SNX19: variants seen among roughly 807,000 people sequenced by gnomAD.
The protein encoded by SNX19 is sorting nexin-19.
Under a neutral mutation model 85.2 loss-of-function variants are expected in SNX19, and 60 were observed. That is an observed-to-expected ratio of 0.70 (90% CI 0.57 to 0.87). The LOEUF (loss-of-function observed/expected upper bound fraction) is 0.87, where lower values mean the gene tolerates loss of function less well. SNX19 is among the 40% of genes least tolerant of loss of function. SNX19 has a pLI of 0.00. For synonymous variants in SNX19, 520 were observed against 470.0 expected, an observed-to-expected ratio of 1.11 and a Z score of -1.38; for missense variants, 1,201 against 1,217.8, an observed-to-expected ratio of 0.99 and a Z score of 0.21.
intron 4 of SNX19, 98 bp from the exon 5 acceptor site, chr11:130,908,181 G>T: frequency 1.4e-6 from 2 of 1,411,676 alleles, no homozygotes; most frequent in Admixed American, 2.3e-5. Context: ...AACAGGACAA[G>T]GAGAGGGGCC....
At chr11:130,890,890 C>CT (rs10678203) in intron 8 of SNX19, among the ~76,000 whole-genome samples, 12,245 of 142,942 alleles carry the variant, frequency 0.086, 734 homozygotes, top group African/African-American at 0.12. Context: ...GGATTTGGGT[C>CT]TTTTTTTTTT....
chr11:130,914,541 C>T lies in SNX19; in HGVS notation c.1399G>A (p.Ala467Thr), dbSNP rs1267127180. 1 of 1,613,890 alleles carries T rather than the reference C, an allele frequency of 6.2e-7. No homozygotes were observed. Among genetic ancestry groups the T allele is most frequent in the East Asian group, 2.2e-5 (1 of 44,892 alleles). Residue 467 changes from alanine (A) to threonine (T), a missense_variant, in exon 1 of 11, where the codon GCT becomes ACT. Transcript: ENST00000265909. ...EQGDVTASVTALLEGPEKTCP... is the reference protein window; with the variant it reads ...EQGDVTASVTTLLEGPEKTCP... ...GTCTTTTCTGGCCCCTCCAGCAAAGCTGTAACAGAGGCGGTAACATCTCCT... is the reference window on the plus strand; with the variant it reads ...GTCTTTTCTGGCCCCTCCAGCAAAGTTGTAACAGAGGCGGTAACATCTCCT...
At chr11:130,880,855 A>G in intron 8 of SNX19, 49 bp from the exon 9 acceptor site, 3 of 1,460,422 alleles carry the variant, frequency 2.1e-6, no homozygotes, top group East Asian at 2.3e-5. Flanking sequence ...AGGAAAGGAA[A>G]TAACAAGGCA....
rs1351364682 is a variant in SNX19, at chr11:130,911,838, T to G, written c.1675-67A>C. ...CAGCAATCTTCTATTCTGGCTTTAC[T>G]GACTACTTGGTCAATGGCCACATAG... On this transcript the variant is annotated intron_variant, in intron 1 of 10. Coordinates refer to ENST00000265909, the MANE Select transcript of SNX19 (RefSeq NM_014758.3). 2.0e-6 allele frequency: 3 copies of G among 1,530,354 alleles called. No homozygotes were observed. The African/African-American group carries it at 4.1e-5, about 21-fold the overall frequency. 94.8% of individuals were successfully genotyped at this position (1,530,354 alleles called of 1,614,324 possible).
At position 130,867,848 on chromosome 11, in the gene SNX19, TGAAGA is replaced by T. The variant is rs1307343614; in HGVS notation, c.*10569_*10573del. Reference sequence around the variant, plus strand: ...TGGAAGAAACTGAGGTCCAGGGAAGTGAAGAGATCGGTCCAAGATCACTGGAACCC... The same window carrying T: ...TGGAAGAAACTGAGGTCCAGGGAAGTGATCGGTCCAAGATCACTGGAACCC... On this transcript the variant is annotated 3_prime_UTR_variant, in exon 11 of 11. Transcript: ENST00000265909. 1.3e-5 allele frequency: 2 copies of T among 152,100 alleles called. No homozygotes were observed. The highest frequency in any genetic ancestry group is 4.8e-5 in the African/African-American group (2 of 41,402). The allele number at this position is 152,100 out of a possible 1,614,324, so 9.4% of individuals were successfully genotyped here.
chr11:130,915,375 A>C lies in SNX19; in HGVS notation c.565T>G (p.Trp189Gly), dbSNP rs369961489. ...GCAGTCGCCCGGCAGTAAGCCTCCC[A>C]GAGGTGGGAAGGCTCAACTGGACCA... ...KNGPVEPSHL[W>G]EAYCRATAPH... The change falls in exon 1 of 11, where the codon TGG becomes GGG. Residue 189 changes from tryptophan (W) to glycine (G), a missense_variant. Around this residue, in one of 3 missense-constraint regions of SNX19, gnomAD observed 791 missense variants for 750.9 expected, o/e 1.05. Transcript: ENST00000265909. 5.0e-6 allele frequency: 8 copies of C among 1,614,112 alleles called. No individual in the cohort carries two copies. The highest frequency in any genetic ancestry group is 6.8e-6 in the Non-Finnish European group (8 of 1,180,038).
rs1457413218 is a variant in SNX19 at position 130,873,004 on chromosome 11, C to G, written c.*5418G>C. On this transcript the variant is annotated 3_prime_UTR_variant, in exon 11 of 11. Coordinates refer to ENST00000265909, the MANE Select transcript of SNX19 (RefSeq NM_014758.3). ...CTCCAAATGCTCCCTGCCCCTCAAA[C>G]AGCAGAGGAGTGTGATAATCATGCT... Among the ~76,000 whole-genome samples the G allele has an allele frequency of 6.6e-6, 1 of 152,190 alleles. No homozygotes were observed. Among genetic ancestry groups the G allele is most frequent in the Non-Finnish European group, 1.5e-5 (1 of 68,044 alleles).
intron 8 of SNX19, among the ~76,000 whole-genome samples, chr11:130,892,163 C>A (rs1429711906): frequency 6.7e-6 from 1 of 149,928 alleles, no homozygotes; most frequent in Non-Finnish European, 1.5e-5. Context: ...GTTTTCTATG[C>A]ACAAATCTAG....
rs1366054091 is a variant in SNX19 at position 130,870,878 on chromosome 11, G to A, written c.*7544C>T. Among the ~76,000 whole-genome samples, 1 of 151,992 alleles carries A rather than the reference G, an allele frequency of 6.6e-6. No individual in the cohort carries two copies. Among genetic ancestry groups the A allele is most frequent in the Non-Finnish European group, 1.5e-5 (1 of 68,018 alleles). On this transcript the variant is annotated 3_prime_UTR_variant, in exon 11 of 11. Transcript: ENST00000265909. ...ACTAAAAAAGATAAAAGATATGTTC[G>A]TTGCCCTTGAAGAATTATAGTCTCT...
At position 130,914,770 on chromosome 11, in the gene SNX19, T is replaced by C. The variant is rs1206016968; in HGVS notation, c.1170A>G (p.Pro390=). The C allele has an allele frequency of 6.2e-7, 1 of 1,614,094 alleles. No homozygotes were observed. The highest frequency in any genetic ancestry group is 2.2e-5 in the East Asian group (1 of 44,886). Residue 390 remains proline (P), a synonymous_variant, in exon 1 of 11, where the codon CCA becomes CCG. Coordinates refer to ENST00000265909, the MANE Select transcript of SNX19 (RefSeq NM_014758.3). The part of the protein sequence containing the change: ...LGKETIMLMT[P]GSFLSDRIQD... Reference sequence around the variant, plus strand: ...GAATCCTGTCAGAGAGAAAGCTGCCTGGAGTCATGAGCATGATGGTTTCTT... The same window carrying C: ...GAATCCTGTCAGAGAGAAAGCTGCCCGGAGTCATGAGCATGATGGTTTCTT...
chr11:130,906,086 T>A lies in SNX19; in HGVS notation c.2310A>T (p.Lys770Asn), dbSNP rs1165917228. 1 of 1,614,110 alleles carries A rather than the reference T, an allele frequency of 6.2e-7. No homozygotes were observed. The highest frequency in any genetic ancestry group is 1.3e-5 in the African/African-American group (1 of 74,994). The change falls in exon 7 of 11, where the codon AAA becomes AAT. Residue 770 changes from lysine (K) to asparagine (N), a missense_variant. By Grantham distance (94) the Lys-to-Asn change is moderately conservative. This residue lies in a region of SNX19 where 285 missense variants were observed against 295.3 expected (regional missense o/e 0.97). Coordinates refer to ENST00000265909, the MANE Select transcript of SNX19 (RefSeq NM_014758.3). Reference protein sequence around the residue: ...SMSAMESFIEKQTKLLEMQPT... With the variant: ...SMSAMESFIENQTKLLEMQPT... The stretch of plus-strand genomic sequence containing the variant: ...GCTGCATTTCCAGTAACTTTGTCTG[T>A]TTTTCAATAAAAGATTCCATCGCAG...
Position 130,877,899 on chromosome 11 carries a change from G to T in SNX19, c.*523C>A, listed in dbSNP as rs1943358581. On this transcript the variant is annotated 3_prime_UTR_variant, in exon 11 of 11. Transcript: ENST00000265909. ...CTCCTTCTTCTTCTGGAACTGTTGG[G>T]AAACTAGATTAGACCCAGGAGTCTG... is the stretch of plus-strand genomic sequence containing the variant. The T allele has an allele frequency of 6.6e-6, 1 of 152,278 alleles. No individual in the cohort carries two copies. The highest frequency in any genetic ancestry group is 1.5e-5 in the Non-Finnish European group (1 of 68,056). The allele number at this position is 152,278 out of a possible 1,614,324, so 9.4% of individuals were successfully genotyped here.
rs1323399655 is a variant in SNX19, at chr11:130,871,601, T to C, written c.*6821A>G. ...CACGGGCAAAAGGGCTGATTACCTATGCTCACAAGTCACCAAATCCAGTTC... is the reference window on the plus strand; with the variant it reads ...CACGGGCAAAAGGGCTGATTACCTACGCTCACAAGTCACCAAATCCAGTTC... On this transcript the variant is annotated 3_prime_UTR_variant, in exon 11 of 11. Coordinates refer to ENST00000265909, the MANE Select transcript of SNX19 (RefSeq NM_014758.3). Among the ~76,000 whole-genome samples, 1 of 152,228 alleles carries C rather than the reference T, an allele frequency of 6.6e-6. No individual in the cohort carries two copies. Among genetic ancestry groups the C allele is most frequent in the Non-Finnish European group, 1.5e-5 (1 of 68,040 alleles).
rs1029231308 is a variant in SNX19 at position 130,868,567 on chromosome 11, G to T, written c.*9855C>A. 1 of 152,136 alleles carries T rather than the reference G, an allele frequency of 6.6e-6. No homozygotes were observed. The highest frequency in any genetic ancestry group is 2.4e-5 in the African/African-American group (1 of 41,416). The allele number at this position is 152,136 out of a possible 1,614,324, so 9.4% of individuals were successfully genotyped here. The stretch of plus-strand genomic sequence containing the variant: ...AGTCAGGAGCTAGCTGGTTACTGTA[G>T]CAACAGGCCTTCAAAGCTTCACATT... On this transcript the variant is annotated 3_prime_UTR_variant, in exon 11 of 11. Transcript: ENST00000265909.
At position 130,914,414 on chromosome 11, in the gene SNX19, C is replaced by G; in HGVS notation, c.1526G>C (p.Gly509Ala). 6.2e-7 allele frequency: 1 copy of G among 1,613,824 alleles called. No individual in the cohort carries two copies. Among genetic ancestry groups the G allele is most frequent in the East Asian group, 2.2e-5 (1 of 44,868 alleles). Residue 509 changes from glycine (G) to alanine (A), a missense_variant, in exon 1 of 11, where the codon GGT becomes GCT. Physicochemically the swap from Gly to Ala is moderately conservative, Grantham distance 60 (BLOSUM62 0). This residue lies in a region of SNX19 where 791 missense variants were observed against 750.9 expected (regional missense o/e 1.05). Coordinates refer to ENST00000265909, the MANE Select transcript of SNX19 (RefSeq NM_014758.3). ...GCTGAAGGTGGCTGAGCTGAGAGGA[C>G]CAGGTGGAGAGGAGGAAAGCAGAAC... Reference protein sequence around the residue: ...PPVLLSSSPPGPLSSATFSFE... With the variant: ...PPVLLSSSPPAPLSSATFSFE...
chr11:130,914,963 G>A lies in SNX19; in HGVS notation c.977C>T (p.Ser326Phe). 6.2e-7 allele frequency: 1 copy of A among 1,614,186 alleles called. No homozygotes were observed. Among genetic ancestry groups the A allele is most frequent in the Non-Finnish European group, 8.5e-7 (1 of 1,180,024 alleles). Reference sequence around the variant, plus strand: ...TTCGTGGCCTTCTTCAACCTCTGGAGAGGGGCCTGCAGAACCCTCTGGCTC... The same window carrying A: ...TTCGTGGCCTTCTTCAACCTCTGGAAAGGGGCCTGCAGAACCCTCTGGCTC... The part of the protein sequence containing the change: ...YSEPEGSAGP[S>F]PEVEEGHEAV... Residue 326 changes from serine (S) to phenylalanine (F), a missense_variant, in exon 1 of 11, where the codon TCT (serine) becomes TTT (phenylalanine). This residue lies in a region of SNX19 where 791 missense variants were observed against 750.9 expected (regional missense o/e 1.05). Coordinates refer to ENST00000265909, the MANE Select transcript of SNX19 (RefSeq NM_014758.3).
At position 130,874,636 on chromosome 11, in the gene SNX19, T is replaced by C. The variant is rs1011704592; in HGVS notation, c.*3786A>G. On this transcript the variant is annotated 3_prime_UTR_variant, in exon 11 of 11. Transcript: ENST00000265909. ...CATAATTTAATTCTTGTCCAGAGCA[T>C]CCTGATTCATATAGCCAGGGACCAT... 6.6e-6 allele frequency among the ~76,000 whole-genome samples: 1 copy of C among 152,218 alleles called. No individual in the cohort carries two copies. Among genetic ancestry groups the C allele is most frequent in the African/African-American group, 2.4e-5 (1 of 41,458 alleles).
intron 1 of SNX19, among the ~76,000 whole-genome samples, chr11:130,912,742 G>A (rs1282449750): frequency 6.6e-6 from 1 of 152,164 alleles, no homozygotes; most frequent in Non-Finnish European, 1.5e-5. Flanking sequence ...GAAAGACCAA[G>A]TAAGAGCAAC....
chr11:130,907,724 C>G (rs1311034046), intron 5 of SNX19, among the ~76,000 whole-genome samples: 1 of 152,124 alleles, frequency 6.6e-6, no homozygotes. Flanking sequence ...GTCAGTTGGG[C>G]CCCAGGTTCC....
Sources: gnomAD v4.1 joint callset for allele counts (sites outside exome capture counted in the v4.1 genomes callset) on GRCh38, gnomAD v4.1.1 for gene constraint, gnomAD v4.1.1 regional missense constraint, MANE v1.5 for transcripts, NCBI Gene and HGNC (gene_info 2026-07-23, HGNC 2026-07-21) for gene names.